ACSL1: variants seen among roughly 807,000 people sequenced by gnomAD.
The protein encoded by ACSL1 is acyl-CoA synthetase long chain family member 1.
A neutral mutation model predicts 98.4 loss-of-function variants in ACSL1; 41 were observed. That is an observed-to-expected ratio of 0.42 (90% CI 0.32 to 0.54). ACSL1 has a LOEUF of 0.54. Among genes scored for constraint, ACSL1 ranks in the 20% least tolerant of loss-of-function variants. ACSL1 has a pLI of 0.13. For missense variants in ACSL1, 734 were observed against 883.1 expected (o/e 0.83, Z 2.14); for synonymous variants, 316 against 322.7 (o/e 0.98, Z 0.22).
At chr4:184,811,280 T>G (rs978701236) in intron 1 of ACSL1, among the ~76,000 whole-genome samples, 3 of 151,490 alleles carry the variant, frequency 2.0e-5, no homozygotes, top group South Asian at 2.1e-4. Flanking sequence ...GGCTAATTTT[T>G]TTTTTGTATT....
chr4:184,766,751 G>A lies in ACSL1; in HGVS notation c.1134C>T (p.Phe378=), dbSNP rs753825034. 5.0e-6 allele frequency: 8 copies of A among 1,611,102 alleles called. No homozygotes were observed. The highest frequency in any genetic ancestry group is 2.2e-5 in the East Asian group (1 of 44,788). The change falls in exon 13 of 21, where the codon TTC becomes TTT. Residue 378 remains phenylalanine, a synonymous_variant. Coordinates refer to ENST00000281455, the MANE Select transcript of ACSL1 (RefSeq NM_001995.5). The surrounding 1 kb of genome is among the most constrained non-coding windows in gnomAD (Gnocchi z 4.8). ...RLLNRMFDRI[F]GQANTTLKRW... ...GCTTCAGCGTGGTGTTTGCTTGTCCGAAAATCTAATGAGGCAAGACATGAG... is the reference window on the plus strand; with the variant it reads ...GCTTCAGCGTGGTGTTTGCTTGTCCAAAAATCTAATGAGGCAAGACATGAG...
intron 1 of ACSL1, chr4:184,805,577 A>T: frequency 1.1e-6 from 1 of 944,246 alleles, no homozygotes; most frequent in Non-Finnish European, 1.3e-6. Context: ...CTGCAGACAC[A>T]GAAGAGGGCA....
At position 184,766,426 on chromosome 4, in the gene ACSL1, C is replaced by T. The variant is rs1383107994; in HGVS notation, c.1263+196G>A. Among the ~76,000 whole-genome samples, 2 of 152,194 alleles carry T rather than the reference C, an allele frequency of 1.3e-5. No homozygotes were observed. The highest frequency in any genetic ancestry group is 4.8e-5 in the African/African-American group (2 of 41,438). The stretch of plus-strand genomic sequence containing the variant: ...CCTGACTCCTTTTCCCCCTAGATGG[C>T]TGCAATACTATTGATCTTAGAAACT... On this transcript the variant is annotated intron_variant, in intron 13 of 20. Transcript: ENST00000281455. The surrounding 1 kb of genome is among the most constrained non-coding windows in gnomAD (Gnocchi z 4.8).
intron 1 of ACSL1, among the ~76,000 whole-genome samples, chr4:184,820,828 G>A (rs568037379): frequency 5.3e-5 from 8 of 151,646 alleles, no homozygotes; most frequent in African/African-American, 1.5e-4. Context: ...TGATCCACCC[G>A]CCTCGGCCTC....
intron 2 of ACSL1, among the ~76,000 whole-genome samples, chr4:184,801,066 T>G (rs1312379250): frequency 1.3e-5 from 2 of 152,154 alleles, no homozygotes; most frequent in African/African-American, 4.8e-5. Flanking sequence ...ATGTTGCCCA[T>G]GCTGGTCTCA....
At chr4:184,788,381 T>C (rs549540737) in intron 3 of ACSL1, 21 of 624,294 alleles carry the variant, frequency 3.4e-5, no homozygotes, top group Admixed American at 6.3e-5. Context: ...TGACTCACCA[T>C]AAAATACAGG....
chr4:184,815,399 G>C (rs1772537517), intron 1 of ACSL1, among the ~76,000 whole-genome samples: 1 of 152,140 alleles, frequency 6.6e-6, no homozygotes, highest in African/African-American at 2.4e-5. Flanking sequence ...TGTCTTGGCT[G>C]AGTAAGAAAC....
intron 10 of ACSL1, 132 bp from the exon 11 acceptor site, chr4:184,770,608 A>C (rs193117425): frequency 7.3e-6 from 5 of 684,526 alleles, no homozygotes; most frequent in Admixed American, 6.9e-5. Flanking sequence ...CTAATGCTAA[A>C]TGACAAGTTT....
At chr4:184,776,400 C>T in intron 7 of ACSL1, 84 bp downstream of exon 7, 2 of 1,460,810 alleles carry the variant, frequency 1.4e-6, no homozygotes, top group Non-Finnish European at 1.9e-6. Context: ...TGCACCATAG[C>T]ACTAGATAGC....
At chr4:184,783,901 A>G in intron 4 of ACSL1, 26 bp downstream of exon 4, 2 of 1,606,454 alleles carry the variant, frequency 1.2e-6, no homozygotes, top group Non-Finnish European at 1.7e-6. Context: ...AGAGGAGTCC[A>G]CAGAGCCTGT....
intron 1 of ACSL1, among the ~76,000 whole-genome samples, chr4:184,811,265 C>A (rs55739701): frequency 1.4e-3 from 207 of 151,446 alleles, no homozygotes; most frequent in African/African-American, 4.8e-3. Flanking sequence ...CCCGCCACCA[C>A]GCCTGGCTAA....
intron 1 of ACSL1, among the ~76,000 whole-genome samples, chr4:184,816,504 A>C (rs897733286): frequency 5.9e-5 from 9 of 152,064 alleles, no homozygotes; most frequent in African/African-American, 2.2e-4. Context: ...AGAAAAAGAG[A>C]CTATGCAGTT....
chr4:184,811,333 C>A (rs142664372), intron 1 of ACSL1, among the ~76,000 whole-genome samples: 1 of 151,746 alleles, frequency 6.6e-6, no homozygotes, highest in Non-Finnish European at 1.5e-5. Context: ...AGGATGGTCT[C>A]GATCTCCCGA....
intron 1 of ACSL1, among the ~76,000 whole-genome samples, chr4:184,818,473 C>A (rs527554640): frequency 2.0e-5 from 3 of 152,204 alleles, no homozygotes; most frequent in Non-Finnish European, 4.4e-5. Flanking sequence ...ATGCCTTGAT[C>A]TTGGCTATAA....
intron 1 of ACSL1, among the ~76,000 whole-genome samples, chr4:184,804,099 C>T (rs150836128): frequency 1.3e-5 from 2 of 152,264 alleles, no homozygotes; most frequent in East Asian, 3.9e-4. Flanking sequence ...ACAACAGTGG[C>T]AATATAAATG....
chr4:184,759,447 G>A (rs1040061200), intron 18 of ACSL1, among the ~76,000 whole-genome samples: 4 of 152,100 alleles, frequency 2.6e-5, no homozygotes, highest in African/African-American at 9.7e-5. Context: ...ATCTGACAAA[G>A]GGCTAATATC....
At chr4:184,796,189 T>C (rs1769329891) in intron 2 of ACSL1, among the ~76,000 whole-genome samples, 1 of 152,154 alleles carries the variant, frequency 6.6e-6, no homozygotes, top group Admixed American at 6.5e-5. Context: ...CCTACATCTT[T>C]CTCCCGTGCT....
chr4:184,758,493 C>G (rs1382021431), intron 18 of ACSL1: 1 of 152,730 alleles, frequency 6.5e-6, no homozygotes, highest in East Asian at 1.9e-4. Flanking sequence ...CAATTTGAAG[C>G]TGTAATGAGC....
intron 2 of ACSL1, among the ~76,000 whole-genome samples, chr4:184,802,550 G>A (rs1321521089): frequency 2.0e-5 from 3 of 152,058 alleles, no homozygotes; most frequent in East Asian, 1.9e-4. Context: ...AAGCACCAGT[G>A]AGCATGCGGC....
Sources: allele counts gnomAD v4.1 joint callset (sites outside exome capture counted in the v4.1 genomes callset), GRCh38; gene constraint gnomAD v4.1.1; non-coding constraint Gnocchi (gnomAD v3.1); transcripts MANE v1.5; gene names NCBI Gene and HGNC (gene_info 2026-07-23, HGNC 2026-07-21).